Variants in SLCO1B1 observed in about 807,000 individuals in gnomAD.
SLCO1B1 encodes solute carrier organic anion transporter family member 1B1, also known as OATP-2.
A neutral mutation model predicts 70.1 loss-of-function variants in SLCO1B1; 81 were observed. That is an observed-to-expected ratio of 1.16 (90% CI 0.97 to 1.39). The LOEUF (loss-of-function observed/expected upper bound fraction) is 1.39. Among genes scored for constraint, SLCO1B1 ranks in the 40% most tolerant of loss-of-function variants. The pLI, the probability that SLCO1B1 is intolerant of heterozygous loss-of-function variation, is 0.00. For synonymous variants in SLCO1B1, 283 were observed against 271.5 expected (o/e 1.04, Z -0.42); for missense variants, 895 against 799.6 (o/e 1.12, Z -1.44).
At position 21,174,479 on chromosome 12, in the gene SLCO1B1, A is replaced by G. The variant is rs1266631570; in HGVS notation, c.227-98A>G. On this transcript the variant is annotated intron_variant, in intron 3 of 14. Transcript: ENST00000256958. ...AATCACATTGTCTTTGAGGGAAGGC[A>G]CTATGTCTTGGACTCTATTTGCATC... 101 of 1,125,644 alleles carry G rather than the reference A, an allele frequency of 9.0e-5. 1 individual carries two copies. Among genetic ancestry groups the G allele is most frequent in the Non-Finnish European group, 1.2e-4 (94 of 756,204 alleles). The allele number at this position is 1,125,644 out of a possible 1,614,324, so 69.7% of individuals were successfully genotyped here.
chr12:21,138,714 A>G (rs983636989), intron 1 of SLCO1B1, among the ~76,000 whole-genome samples: 3 of 152,160 alleles, frequency 2.0e-5, no homozygotes, highest in African/African-American at 7.2e-5. Context: ...GATATTATCA[A>G]CAGGTGGTAA....
At chr12:21,197,352 T>A (rs1941106036) in intron 8 of SLCO1B1, among the ~76,000 whole-genome samples, 164 bp downstream of exon 8, 1 of 152,122 alleles carries the variant, frequency 6.6e-6, no homozygotes, top group Non-Finnish European at 1.5e-5. Flanking sequence ...AAAGTTAACA[T>A]ATATGTCTTG....
In SLCO1B1 at chr12:21,195,420, TTTTG is replaced by T. The variant is rs369394833; in HGVS notation, c.728-1510_728-1507del. 5.3e-5 allele frequency among the ~76,000 whole-genome samples: 8 copies of T among 152,116 alleles called. No homozygotes were observed. The East Asian group carries it at 5.8e-4, about 11-fold the overall frequency. On this transcript the variant is annotated intron_variant, in intron 7 of 14. Transcript: ENST00000256958. ...TGAAAACTGAGGTGTTTTCTTTGTTTTTTGTTTGTTTGTTTGTTTTTCTTTTCTT... is the reference window on the plus strand; with the variant it reads ...TGAAAACTGAGGTGTTTTCTTTGTTTTTTGTTTGTTTGTTTTTCTTTTCTT...
intron 1 of SLCO1B1, among the ~76,000 whole-genome samples, chr12:21,136,400 C>T (rs1176710002): frequency 6.6e-6 from 1 of 152,278 alleles, no homozygotes; most frequent in East Asian, 1.9e-4. Flanking sequence ...TGGGGAAGTT[C>T]TCCTGGATAA....
rs746419690 is a variant in SLCO1B1, at chr12:21,217,289, C to A, written c.1668C>A (p.Val556=). Residue 556 remains valine (V), a synonymous_variant, in exon 12 of 15, where the codon GTC becomes GTA. Transcript: ENST00000256958. ...FFSALGGTSH[V]MLIVKIVQPE... is the part of the protein sequence containing the mutation. ...CTGCACTTGGAGGCACCTCACATGT[C>A]ATGCTGATTGTTAAGTAAGTATGAC... 1 of 1,613,554 alleles carries A rather than the reference C, an allele frequency of 6.2e-7. No individual in the cohort carries two copies. The highest frequency in any genetic ancestry group is 8.5e-7 in the Non-Finnish European group (1 of 1,179,622).
intron 5 of SLCO1B1, 34 bp downstream of exon 5, chr12:21,176,931 A>G (rs764909458): frequency 1.5e-5 from 22 of 1,455,920 alleles, no homozygotes; most frequent in Non-Finnish European, 2.0e-5. Context: ...AAAGTCTTCT[A>G]AAATGTATAC....
intron 2 of SLCO1B1, among the ~76,000 whole-genome samples, chr12:21,161,333 A>G (rs1301695540): frequency 6.6e-6 from 1 of 152,250 alleles, no homozygotes; most frequent in Admixed American, 6.5e-5. Flanking sequence ...ATGCAGCCAT[A>G]AAAGAACAAG....
At position 21,195,741 on chromosome 12, in the gene SLCO1B1, A is replaced by G. The variant is rs1339506647; in HGVS notation, c.728-1205A>G. On this transcript the variant is annotated intron_variant, in intron 7 of 14. Transcript: ENST00000256958. Reference sequence around the variant, plus strand: ...TGCCCTAAGCTATGGGCCAGGAGCTATGGGAATGCTTACATACTAGTTCAA... The same window carrying G: ...TGCCCTAAGCTATGGGCCAGGAGCTGTGGGAATGCTTACATACTAGTTCAA... Among the ~76,000 whole-genome samples, 28 of 152,156 alleles carry G rather than the reference A, an allele frequency of 1.8e-4. 1 individual carries two copies. Among genetic ancestry groups the G allele is most frequent in the Non-Finnish European group, 7.4e-5 (5 of 68,014 alleles).
intron 10 of SLCO1B1, 73 bp downstream of exon 10, chr12:21,202,759 A>G (rs1941173752): frequency 2.5e-6 from 3 of 1,202,798 alleles, no homozygotes; most frequent in Non-Finnish European, 3.5e-6. Flanking sequence ...TAAGTAATAT[A>G]AGGCAGAAAA....
At chr12:21,229,906 AAC>A (rs1360513682) in intron 14 of SLCO1B1, among the ~76,000 whole-genome samples, 1 of 152,148 alleles carries the variant, frequency 6.6e-6, no homozygotes, top group Non-Finnish European at 1.5e-5. Context: ...CATGTTGAAA[AAC>A]AGTGGTGAGA....
At chr12:21,217,686 A>G (rs1941376011) in intron 12 of SLCO1B1, among the ~76,000 whole-genome samples, 1 of 152,192 alleles carries the variant, frequency 6.6e-6, no homozygotes, top group Admixed American at 6.5e-5. Flanking sequence ...ACTAAAATAA[A>G]GCATTTGAAA....
At position 21,174,718 on chromosome 12, in the gene SLCO1B1, T is replaced by TAA. The variant is rs4149095; in HGVS notation, c.359+22_359+23dup. ...CATTTCTTCATGGGATAGTAAGTGT[T>TAA]AAAAAAAAAAAAAACCTCTGTGCCA... On this transcript the variant is annotated intron_variant, in intron 4 of 14. Transcript: ENST00000256958. 142,242 of 1,426,192 alleles carry TAA rather than the reference T, an allele frequency of 0.1. 655 individuals are homozygous for TAA. Among genetic ancestry groups the TAA allele is most frequent in the Admixed American group, 0.15 (7,756 of 52,424 alleles). 88.3% of individuals were successfully genotyped at this position (1,426,192 alleles called of 1,614,324 possible). A position where few individuals can be genotyped will look rare whatever the true frequency, so the allele number is the denominator to read the frequency against.
intron 7 of SLCO1B1, among the ~76,000 whole-genome samples, chr12:21,194,437 G>T (rs1336549404): frequency 3.3e-5 from 5 of 150,972 alleles, no homozygotes; most frequent in South Asian, 2.1e-4. Flanking sequence ...TTGTTTTTTT[G>T]GGGGGGTTGT....
chr12:21,166,587 T>C (rs1183303096), intron 2 of SLCO1B1, among the ~76,000 whole-genome samples: 2 of 152,222 alleles, frequency 1.3e-5, no homozygotes, highest in Non-Finnish European at 2.9e-5. Flanking sequence ...ATAAGCTATG[T>C]CACTGTATAC....
intron 11 of SLCO1B1, among the ~76,000 whole-genome samples, chr12:21,209,642 C>G (rs1941256041): frequency 6.6e-6 from 1 of 151,952 alleles, no homozygotes; most frequent in Non-Finnish European, 1.5e-5. Context: ...ACACTGACTT[C>G]CACAATGGTT....
intron 14 of SLCO1B1, among the ~76,000 whole-genome samples, chr12:21,233,945 G>A (rs1312483526): frequency 1.3e-5 from 2 of 152,146 alleles, no homozygotes; most frequent in African/African-American, 2.4e-5. Context: ...CCACCTAACG[G>A]GTTCACCTTG....
At position 21,176,883 on chromosome 12, in the gene SLCO1B1, A is replaced by G. The variant is rs72559745; in HGVS notation, c.467A>G (p.Glu156Gly). The change falls in exon 5 of 15, where the codon GAG becomes GGG. Residue 156 changes from glutamate to glycine, a missense_variant. Coordinates refer to ENST00000256958, the MANE Select transcript of SLCO1B1 (RefSeq NM_006446.5). ...TTATCACTCAATAGAGCATCACCTG[A>G]GATAGTGGGAAAAGGTAAGAATTAA... is the stretch of plus-strand genomic sequence containing the variant. Reference protein sequence around the residue: ...QILSLNRASPEIVGKGCLKES... With the variant: ...QILSLNRASPGIVGKGCLKES... 1 of 1,552,296 alleles carries G rather than the reference A, an allele frequency of 6.4e-7. No individual in the cohort carries two copies. Among genetic ancestry groups the G allele is most frequent in the Non-Finnish European group, 8.9e-7 (1 of 1,123,508 alleles).
At chr12:21,213,350 C>T (rs376933025) in intron 11 of SLCO1B1, among the ~76,000 whole-genome samples, 1 of 151,938 alleles carries the variant, frequency 6.6e-6, no homozygotes, top group Admixed American at 6.6e-5. Flanking sequence ...ATATGAAATT[C>T]TGGGTTGAAA....
intron 11 of SLCO1B1, among the ~76,000 whole-genome samples, chr12:21,206,240 C>T (rs1298437123): frequency 1.3e-5 from 2 of 151,802 alleles, no homozygotes; most frequent in Non-Finnish European, 2.9e-5. Context: ...TTTTCTGTTA[C>T]TTGAATTCTA....
Sources: gnomAD v4.1 joint callset for allele counts (sites outside exome capture counted in the v4.1 genomes callset) on GRCh38, gnomAD v4.1.1 for gene constraint, MANE v1.5 for transcripts, NCBI Gene and HGNC (gene_info 2026-07-23, HGNC 2026-07-21) for gene names.